CALB2: variants seen among roughly 807,000 people sequenced by gnomAD.
The protein encoded by CALB2 is calretinin.
A neutral mutation model predicts 45.9 loss-of-function variants in CALB2; 34 were observed. The ratio of observed to expected loss-of-function variants is 0.74; its 90% CI spans 0.56 to 0.99. The LOEUF is 0.99. CALB2 is among the 50% of genes least tolerant of loss of function. The pLI is 0.00. For missense variants in CALB2, 344 were observed against 339.3 expected, an observed-to-expected ratio of 1.01 and a Z score of -0.11; for synonymous variants, 142 against 129.6, an observed-to-expected ratio of 1.10 and a Z score of -0.65.
intron 1 of CALB2, among the ~76,000 whole-genome samples, chr16:71,369,758 G>T (rs975155648): frequency 8.5e-6 from 1 of 118,172 alleles, no homozygotes. Flanking sequence ...CCACCTCCCC[G>T]TCTGACTCTA....
chr16:71,370,444 T>C (rs996714641), intron 1 of CALB2, among the ~76,000 whole-genome samples: 2 of 152,142 alleles, frequency 1.3e-5, no homozygotes, highest in African/African-American at 2.4e-5. Context: ...GGTCAGTGGT[T>C]TTCAAACTTT....
intron 3 of CALB2, 44 bp downstream of exon 3, chr16:71,374,878 T>G: frequency 6.2e-6 from 8 of 1,296,446 alleles, no homozygotes; most frequent in South Asian, 1.2e-5. Flanking sequence ...GGAGGGGCCC[T>G]GGGTCCCTGT....
chr16:71,377,577 T>C, intron 3 of CALB2, 90 bp from the exon 4 acceptor site: 1 of 836,138 alleles, frequency 1.2e-6, no homozygotes, highest in South Asian at 1.5e-5. Flanking sequence ...GCCTCGCCAC[T>C]GGCCCTTTCC....
At position 71,384,004 on chromosome 16, in the gene CALB2, T is replaced by A; in HGVS notation, c.512T>A (p.Leu171Ter). ...RMFDLNGDGK[L>*]GLSEMSRLLP... ...TTTGACTTGAACGGGGATGGCAAATTGGGCCTCTCAGAGATGTCCCGGTAA... is the reference window on the plus strand; with the variant it reads ...TTTGACTTGAACGGGGATGGCAAATAGGGCCTCTCAGAGATGTCCCGGTAA... Residue 171 changes from leucine (L) to a stop codon, truncating the protein, a stop_gained, in exon 7 of 11, where the codon TTG (leucine) becomes TAG (stop). Transcript: ENST00000302628. LOFTEE classifies it high-confidence loss of function. 1 of 1,613,830 alleles carries A rather than the reference T, an allele frequency of 6.2e-7. No individual in the cohort carries two copies. The highest frequency in any genetic ancestry group is 2.2e-5 in the East Asian group (1 of 44,876).
intron 1 of CALB2, among the ~76,000 whole-genome samples, chr16:71,365,935 A>G (rs2042280232): frequency 1.3e-5 from 2 of 151,790 alleles, no homozygotes; most frequent in South Asian, 4.2e-4. Context: ...TGTTGTTTTC[A>G]GATATTCCCA....
At chr16:71,364,619 G>C (rs1449029431) in intron 1 of CALB2, among the ~76,000 whole-genome samples, 1 of 152,072 alleles carries the variant, frequency 6.6e-6, no homozygotes, top group African/African-American at 2.4e-5. Flanking sequence ...TATCCTTCTG[G>C]CCTCCCTCAT....
chr16:71,382,016 A>AGAGGAGGAGGAGGAGGAGGAG (rs67417266), intron 4 of CALB2, among the ~76,000 whole-genome samples: 2 of 86,516 alleles, frequency 2.3e-5, no homozygotes, highest in African/African-American at 4.8e-5. Context: ...CTGTCTCAAA[A>AGAGGAGGAGGAGGAGGAGGAG]GAGGAGGAGG....
intron 4 of CALB2, among the ~76,000 whole-genome samples, chr16:71,377,998 G>A (rs1361115003): frequency 2.6e-5 from 4 of 152,210 alleles, no homozygotes; most frequent in East Asian, 1.9e-4. Flanking sequence ...CGAGGCAGGC[G>A]GATCACCTGA....
At position 71,389,738 on chromosome 16, in the gene CALB2, G is replaced by C. The variant is rs1005277236; in HGVS notation, c.700-11G>C. 6.2e-6 allele frequency: 10 copies of C among 1,604,128 alleles called. No individual in the cohort carries two copies. Among genetic ancestry groups the C allele is most frequent in the Non-Finnish European group, 8.5e-6 (10 of 1,171,544 alleles). On this transcript the variant is annotated splice_polypyrimidine_tract_variant and intron_variant, in intron 10 of 10. Transcript: ENST00000302628. Reference sequence around the variant, plus strand: ...CTGAACCTGCTCTTACCCTCTCCCTGTATTTCCTAGGAAATGAATATTCAA... The same window carrying C: ...CTGAACCTGCTCTTACCCTCTCCCTCTATTTCCTAGGAAATGAATATTCAA...
At chr16:71,376,655 ACAGC>A (rs375954611) in intron 3 of CALB2, among the ~76,000 whole-genome samples, 4 of 151,938 alleles carry the variant, frequency 2.6e-5, no homozygotes, top group South Asian at 2.1e-4. Context: ...GTGCCCACAT[ACAGC>A]CATATACACC....
intron 1 of CALB2, among the ~76,000 whole-genome samples, chr16:71,366,324 C>CTTTT (rs1242997452): frequency 1.1e-4 from 5 of 46,156 alleles, no homozygotes; most frequent in Non-Finnish European, 2.0e-4. Flanking sequence ...AGTGCCTGGC[C>CTTTT]TTTTTTTTTT....
intron 4 of CALB2, among the ~76,000 whole-genome samples, chr16:71,378,886 G>A (rs896299459): frequency 5.3e-5 from 8 of 152,318 alleles, no homozygotes; most frequent in Non-Finnish European, 1.2e-4. Context: ...ACTTATGTAC[G>A]ATTCTATAGC....
chr16:71,385,130 C>G (rs1249298859), intron 9 of CALB2, among the ~76,000 whole-genome samples: 1 of 152,162 alleles, frequency 6.6e-6, no homozygotes, highest in African/African-American at 2.4e-5. Context: ...ACACTCAGAA[C>G]TGCCCTGGTG....
At chr16:71,384,194 C>T (rs2042536557) in intron 7 of CALB2, 145 bp from the exon 8 acceptor site, 4 of 990,988 alleles carry the variant, frequency 4.0e-6, no homozygotes, top group Admixed American at 1.7e-5. Context: ...CTGTCTCCCT[C>T]GTTTTTGAAC....
chr16:71,383,036 T>C (rs2042518611), intron 5 of CALB2, among the ~76,000 whole-genome samples: 1 of 152,144 alleles, frequency 6.6e-6, no homozygotes, highest in Non-Finnish European at 1.5e-5. Flanking sequence ...TTCCAGAAGA[T>C]TGGCCTCTGG....
chr16:71,366,228 G>A (rs8046823), intron 1 of CALB2, among the ~76,000 whole-genome samples: 84,930 of 148,338 alleles, frequency 0.57, 24,814 homozygotes, highest in African/African-American at 0.68. Context: ...GGATTTCACC[G>A]TGTTAGCCAG....
At chr16:71,365,863 A>G (rs1178144607) in intron 1 of CALB2, among the ~76,000 whole-genome samples, 1 of 151,724 alleles carries the variant, frequency 6.6e-6, no homozygotes, top group Admixed American at 6.6e-5. Flanking sequence ...CAGAGCTTTG[A>G]AAACACCCCC....
chr16:71,372,022 C>G, intron 1 of CALB2, 131 bp from the exon 2 acceptor site: 2 of 692,238 alleles, frequency 2.9e-6, no homozygotes, highest in Admixed American at 2.5e-5. Flanking sequence ...ACACCCCTAG[C>G]TCCACTGGCC....
chr16:71,369,328 G>A (rs1364045154), intron 1 of CALB2, among the ~76,000 whole-genome samples: 1 of 152,260 alleles, frequency 6.6e-6, no homozygotes, highest in Non-Finnish European at 1.5e-5. Flanking sequence ...CTCTAATCTG[G>A]GTACGACAGA....
Sources: gnomAD v4.1 joint callset for allele counts (sites outside exome capture counted in the v4.1 genomes callset) on GRCh38, gnomAD v4.1.1 for gene constraint, MANE v1.5 for transcripts, NCBI Gene and HGNC (gene_info 2026-07-23, HGNC 2026-07-21) for gene names.